Variants in CASS4 observed in about 807,000 individuals in gnomAD.
CASS4 encodes the protein Cas scaffold protein family member 4.
CASS4 carries 22 observed loss-of-function variants against 54.2 expected under a neutral mutation model. That is an observed-to-expected ratio of 0.41 (90% CI 0.29 to 0.58). CASS4 has a LOEUF of 0.58. CASS4 is among the 20% of genes least tolerant of loss of function. CASS4 has a pLI of 0.36. For missense variants in CASS4, 854 were observed against 986.7 expected, an observed-to-expected ratio of 0.87 and a Z score of 1.80; for synonymous variants, 409 against 391.5, an observed-to-expected ratio of 1.04 and a Z score of -0.53.
chr20:56,437,487 G>T lies in CASS4; in HGVS notation c.360G>T (p.Ala120=). Residue 120 remains alanine, a synonymous_variant, in exon 2 of 6, where the codon GCG becomes GCT. Coordinates refer to ENST00000679887, the MANE Select transcript of CASS4 (RefSeq NM_020356.4). This position sits in a 1 kb window ranked among gnomAD's most constrained non-coding sequence, Gnocchi z 4.7. ...TTTATGAGCAGATGAGGAGTTGGGC[G>T]GAGGGGCCCCAGCCCCCTACTGCCC... ...GPVYEQMRSW[A]EGPQPPTAQV... 6.2e-7 allele frequency: 1 copy of T among 1,610,796 alleles called. No homozygotes were observed. The highest frequency in any genetic ancestry group is 8.5e-7 in the Non-Finnish European group (1 of 1,178,394).
intron 2 of CASS4, among the ~76,000 whole-genome samples, chr20:56,440,137 G>A (rs1246127663): frequency 1.3e-5 from 2 of 152,210 alleles, no homozygotes; most frequent in African/African-American, 4.8e-5. Context: ...TAGAACAGCT[G>A]CCAGCACAGG....
At chr20:56,426,314 T>C (rs542191049) in intron 1 of CASS4, among the ~76,000 whole-genome samples, 66 of 152,290 alleles carry the variant, frequency 4.3e-4, no homozygotes, top group African/African-American at 1.5e-3. Flanking sequence ...GGTTTTTGAA[T>C]ATCAAATGCG....
intron 1 of CASS4, among the ~76,000 whole-genome samples, chr20:56,434,580 G>A (rs1980065025): frequency 6.6e-6 from 1 of 151,540 alleles, no homozygotes; most frequent in Non-Finnish European, 1.5e-5. Context: ...GGGTCTACAG[G>A]TGCACGCCAC....
At chr20:56,421,241 A>G (rs1445480896) in intron 1 of CASS4, among the ~76,000 whole-genome samples, 1 of 152,252 alleles carries the variant, frequency 6.6e-6, no homozygotes, top group East Asian at 1.9e-4. Context: ...TTTGCATTCA[A>G]ACAAACTAAA....
chr20:56,438,630 G>T (rs1251205572), intron 2 of CASS4, among the ~76,000 whole-genome samples: 1 of 152,070 alleles, frequency 6.6e-6, no homozygotes, highest in Non-Finnish European at 1.5e-5. Context: ...AGGCGGAGGC[G>T]GGCAGATCAC....
At chr20:56,453,271 A>C (rs1423134744) in intron 5 of CASS4, 142 bp downstream of exon 5, 1 of 642,502 alleles carries the variant, frequency 1.6e-6, no homozygotes, top group Non-Finnish European at 2.6e-6. Context: ...AAAATTTATG[A>C]AAGTAAAATT....
At chr20:56,457,368 C>T (rs1981349553) in intron 5 of CASS4, among the ~76,000 whole-genome samples, 1 of 152,180 alleles carries the variant, frequency 6.6e-6, no homozygotes, top group African/African-American at 2.4e-5. Context: ...CTCTGAGCTT[C>T]ACCTTTCAAT....
intron 1 of CASS4, among the ~76,000 whole-genome samples, chr20:56,431,662 C>T (rs780186385): frequency 4.6e-5 from 7 of 152,164 alleles, no homozygotes; most frequent in Admixed American, 6.5e-5. Context: ...CCATTGTTCT[C>T]TGGGAAAAAG....
chr20:56,453,211 T>C (rs750215005), intron 5 of CASS4, 82 bp downstream of exon 5: 2 of 1,007,190 alleles, frequency 2.0e-6, no homozygotes, highest in Non-Finnish European at 2.9e-6. Flanking sequence ...TGAGACTCTT[T>C]CCATAGTGTA....
chr20:56,423,674 A>G (rs1288943872), intron 1 of CASS4, among the ~76,000 whole-genome samples: 1 of 152,008 alleles, frequency 6.6e-6, no homozygotes, highest in Admixed American at 6.5e-5. Context: ...CCTCCCCAGT[A>G]GTTGGGACTA....
intron 2 of CASS4, among the ~76,000 whole-genome samples, chr20:56,441,205 G>A (rs1185590489): frequency 6.6e-6 from 1 of 151,402 alleles, no homozygotes; most frequent in East Asian, 2.0e-4. Context: ...TGTTGGCCAG[G>A]CTGGTCTCGA....
chr20:56,445,839 C>A, intron 2 of CASS4, 61 bp from the exon 3 acceptor site: 1 of 1,334,928 alleles, frequency 7.5e-7, no homozygotes, highest in Non-Finnish European at 1.1e-6. Flanking sequence ...TGACTTTGAA[C>A]CTGATTGTGA....
Position 56,449,862 on chromosome 20 carries a change from A to G in CASS4, c.562-737A>G, listed in dbSNP as rs111975156. 1.7e-3 allele frequency among the ~76,000 whole-genome samples: 260 copies of G among 152,230 alleles called. 1 individual carries two copies. Among genetic ancestry groups the G allele is most frequent in the Non-Finnish European group, 2.5e-3 (169 of 68,008 alleles). On this transcript the variant is annotated intron_variant, in intron 3 of 5. Transcript: ENST00000679887. ...AATATTTGCAGAATAAATATGAATG[A>G]TAAAACAGGAAAATTTCTACTGAGA...
chr20:56,433,009 C>T (rs534496267), intron 1 of CASS4, among the ~76,000 whole-genome samples: 1 of 152,346 alleles, frequency 6.6e-6, no homozygotes, highest in African/African-American at 2.4e-5. Flanking sequence ...GGCGTTATGT[C>T]ACGCCTCTCT....
intron 1 of CASS4, among the ~76,000 whole-genome samples, chr20:56,434,287 A>C (rs1206583791): frequency 2.0e-5 from 3 of 152,240 alleles, no homozygotes; most frequent in Non-Finnish European, 2.9e-5. Flanking sequence ...TCATTTCAGC[A>C]TTGTTTGTAA....
chr20:56,440,410 G>A (rs978992169), intron 2 of CASS4, among the ~76,000 whole-genome samples: 1 of 152,186 alleles, frequency 6.6e-6, no homozygotes, highest in African/African-American at 2.4e-5. Flanking sequence ...TCCTCTCCCT[G>A]AAAGGAAAAC....
rs551807566 is a variant in CASS4 at position 56,436,748 on chromosome 20, G to A, written c.37-416G>A. The stretch of plus-strand genomic sequence containing the variant: ...ACAAAAATACAAAATTTAGCCCGGG[G>A]TGGCGGCACGCATGTGTAGTCCCAG... On this transcript the variant is annotated intron_variant, in intron 1 of 5. Coordinates refer to ENST00000679887, the MANE Select transcript of CASS4 (RefSeq NM_020356.4). Among the ~76,000 whole-genome samples the A allele has an allele frequency of 1.1e-4, 16 of 152,190 alleles. No homozygotes were observed. The South Asian group carries it at 2.1e-3, about 20-fold the overall frequency.
rs149703805 is a variant in CASS4, at chr20:56,452,192, G to A, written c.1016G>A (p.Arg339Gln). 2.4e-4 allele frequency: 387 copies of A among 1,614,152 alleles called. 6 individuals carry two copies. In the South Asian group the frequency reaches 3.6e-3, roughly 15 times the overall value. The change falls in exon 5 of 6, where the codon CGA (arginine) becomes CAA (glutamine). Residue 339 changes from arginine (R) to glutamine (Q), a missense_variant. By Grantham distance (43) the Arg-to-Gln change is conservative (BLOSUM62 1). Transcript: ENST00000679887. Reference sequence around the variant, plus strand: ...GTTCCTTCAAGCTTTCTGATTCCCCGAGTGGAACAGCAGAACACCAAGCCC... The same window carrying A: ...GTTCCTTCAAGCTTTCTGATTCCCCAAGTGGAACAGCAGAACACCAAGCCC... ...YKVPSSFLIP[R>Q]VEQQNTKPNI... is the part of the protein sequence containing the mutation.
chr20:56,441,023 C>CTGTCA (rs1980430450), intron 2 of CASS4, among the ~76,000 whole-genome samples: 1 of 147,456 alleles, frequency 6.8e-6, no homozygotes, highest in Non-Finnish European at 1.5e-5. Context: ...GAATCTCGCT[C>CTGTCA]TGTCACCCAG....
Sources: allele counts gnomAD v4.1 joint callset (sites outside exome capture counted in the v4.1 genomes callset), GRCh38; gene constraint gnomAD v4.1.1; non-coding constraint Gnocchi (gnomAD v3.1); transcripts MANE v1.5; gene names NCBI Gene and HGNC (gene_info 2026-07-23, HGNC 2026-07-21).